Variants in PPFIA2 observed in about 807,000 individuals in gnomAD.
PPFIA2 encodes liprin-alpha-2.
In PPFIA2, 46 loss-of-function variants were observed where a neutral mutation model predicts 175.5. The ratio of observed to expected loss-of-function variants is 0.26; its 90% CI spans 0.21 to 0.34. The LOEUF (loss-of-function observed/expected upper bound fraction) is 0.34. Among genes scored for constraint, PPFIA2 ranks in the 10% least tolerant of loss-of-function variants. PPFIA2 has a pLI of 1.00. For missense variants in PPFIA2, 1,179 were observed against 1,506.1 expected (o/e 0.78, Z 3.60); for synonymous variants, 568 against 511.4 (o/e 1.11, Z -1.49).
intron 4 of PPFIA2, among the ~76,000 whole-genome samples, chr12:81,632,323 T>A (rs1171413999): frequency 6.6e-6 from 1 of 152,104 alleles, no homozygotes; most frequent in Non-Finnish European, 1.5e-5. Flanking sequence ...TGTTACTCCA[T>A]CAGATGAAAT....
At chr12:81,303,689 C>T (rs1171084274) in intron 22 of PPFIA2, among the ~76,000 whole-genome samples, 4 of 152,006 alleles carry the variant, frequency 2.6e-5, no homozygotes, top group African/African-American at 7.2e-5. Context: ...TTTGCAAGTC[C>T]GTATCTAAAT....
In PPFIA2 at chr12:81,388,036, C is replaced by T. The variant is rs570143264; in HGVS notation, c.763-3792G>A. Among the ~76,000 whole-genome samples the T allele has an allele frequency of 2.2e-4, 34 of 152,192 alleles. No homozygotes were observed. In the South Asian group the frequency reaches 3.1e-3, roughly 14 times the overall value. The stretch of plus-strand genomic sequence containing the variant: ...CCCACATATTCGTAGCAGCACTTAC[C>T]CCTTTTATTAAATAGAATTTGGCAC... On this transcript the variant is annotated intron_variant, in intron 8 of 32. Coordinates refer to ENST00000549396, the MANE Select transcript of PPFIA2 (RefSeq NM_003625.5).
chr12:81,633,524 G>T (rs77803242), intron 4 of PPFIA2, among the ~76,000 whole-genome samples: 4,775 of 151,564 alleles, frequency 0.032, 104 homozygotes, highest in South Asian at 0.067. Context: ...TATAATCATG[G>T]CTAGGTTAGG....
intron 4 of PPFIA2, among the ~76,000 whole-genome samples, chr12:81,630,808 G>A (rs776226581): frequency 7.3e-5 from 11 of 151,170 alleles, no homozygotes; most frequent in African/African-American, 9.7e-5. Context: ...ATATAATTGC[G>A]TAATGCTTTC....
chr12:81,698,765 C>CAA (rs1555614267), intron 3 of PPFIA2, among the ~76,000 whole-genome samples: 1 of 41,474 alleles, frequency 2.4e-5, no homozygotes, highest in African/African-American at 4.2e-5. Flanking sequence ...GTCCTTTATA[C>CAA]ACACACACAC....
At chr12:81,274,555 A>G (rs2040016391) in intron 28 of PPFIA2, among the ~76,000 whole-genome samples, 1 of 151,918 alleles carries the variant, frequency 6.6e-6, no homozygotes, top group African/African-American at 2.4e-5. Flanking sequence ...CTTTCCATAA[A>G]TCTGTTTCCA....
intron 23 of PPFIA2, among the ~76,000 whole-genome samples, chr12:81,298,585 CT>C (rs1474490722): frequency 6.6e-6 from 1 of 152,174 alleles, no homozygotes; most frequent in African/African-American, 2.4e-5. Flanking sequence ...ACATAGAGAA[CT>C]GAATAGAAGG....
At chr12:81,421,382 A>T in intron 7 of PPFIA2, among the ~76,000 whole-genome samples, 1 of 152,078 alleles carries the variant, frequency 6.6e-6, no homozygotes, top group East Asian at 1.9e-4. Context: ...TAACTACAAG[A>T]ACACAAATCG....
At chr12:81,455,602 T>C (rs2053436934) in intron 5 of PPFIA2, among the ~76,000 whole-genome samples, 1 of 152,138 alleles carries the variant, frequency 6.6e-6, no homozygotes, top group Non-Finnish European at 1.5e-5. Context: ...GCAAACACAA[T>C]AGCCTCGGGT....
At chr12:81,306,084 C>T (rs1254673031) in intron 22 of PPFIA2, among the ~76,000 whole-genome samples, 2 of 152,166 alleles carry the variant, frequency 1.3e-5, no homozygotes, top group African/African-American at 4.8e-5. Flanking sequence ...TTTCATTCAC[C>T]TTCTATTTGA....
At chr12:81,647,166 A>T (rs866648962) in intron 4 of PPFIA2, among the ~76,000 whole-genome samples, 141 of 152,292 alleles carry the variant, frequency 9.3e-4, no homozygotes, top group East Asian at 7.7e-4. Context: ...AAAATTAATT[A>T]TCAGAGATTT....
chr12:81,294,778 T>C, intron 24 of PPFIA2, 57 bp downstream of exon 24: 2 of 1,541,664 alleles, frequency 1.3e-6, no homozygotes, highest in Non-Finnish European at 1.8e-6. Flanking sequence ...TCTGTAGACT[T>C]AGACACACGG....
chr12:81,383,303 G>T (rs1177986205), intron 9 of PPFIA2, among the ~76,000 whole-genome samples: 1 of 152,084 alleles, frequency 6.6e-6, no homozygotes, highest in Admixed American at 6.6e-5. Flanking sequence ...CAAAAAGTCA[G>T]AAAACGCAAT....
At chr12:81,683,713 T>C (rs2091795) in intron 3 of PPFIA2, among the ~76,000 whole-genome samples, 134,754 of 152,070 alleles carry the variant, frequency 0.89, 59,925 homozygotes, top group East Asian at 1. Context: ...TTAGGGTGCT[T>C]ATTTCTAGAT....
At chr12:81,691,782 G>A (rs1305945198) in intron 3 of PPFIA2, among the ~76,000 whole-genome samples, 1 of 151,960 alleles carries the variant, frequency 6.6e-6, no homozygotes, top group African/African-American at 2.4e-5. Context: ...CTTTTGACCA[G>A]GGGAAACACC....
intron 7 of PPFIA2, among the ~76,000 whole-genome samples, chr12:81,422,925 A>T (rs1449132817): frequency 6.6e-6 from 1 of 152,128 alleles, no homozygotes. Flanking sequence ...TAATAAAATC[A>T]GACATGAAAG....
chr12:81,404,015 C>A (rs923482944), intron 8 of PPFIA2, among the ~76,000 whole-genome samples: 1 of 152,130 alleles, frequency 6.6e-6, no homozygotes, highest in Admixed American at 6.6e-5. Flanking sequence ...CTCCCTTTGC[C>A]TCATGCCCCA....
chr12:81,448,527 G>A (rs959692164), intron 5 of PPFIA2, among the ~76,000 whole-genome samples: 1 of 152,084 alleles, frequency 6.6e-6, no homozygotes, highest in Non-Finnish European at 1.5e-5. Context: ...TCTTCTTATT[G>A]AGCTCAAGTG....
chr12:81,395,128 G>C (rs2040879919), intron 8 of PPFIA2, among the ~76,000 whole-genome samples: 1 of 151,940 alleles, frequency 6.6e-6, no homozygotes. Flanking sequence ...AGTTTTGCAA[G>C]TTTGCTGTAA....
Sources: allele counts gnomAD v4.1 joint callset (sites outside exome capture counted in the v4.1 genomes callset), GRCh38; gene constraint gnomAD v4.1.1; transcripts MANE v1.5; gene names NCBI Gene and HGNC (gene_info 2026-07-23, HGNC 2026-07-21).